SH2B3: variants seen among roughly 807,000 people sequenced by gnomAD.
SH2B3 encodes the protein SH2B adaptor protein 3.
Under a neutral mutation model 51.9 loss-of-function variants are expected in SH2B3, and 43 were observed. That is an observed-to-expected ratio of 0.83 (90% CI 0.65 to 1.07). SH2B3 has a LOEUF of 1.07. Among genes scored for constraint, SH2B3 ranks in the 50% least tolerant of loss-of-function variants. The pLI, the probability that SH2B3 is intolerant of heterozygous loss-of-function variation, is 0.00. For synonymous variants in SH2B3, 396 were observed against 376.0 expected (o/e 1.05, Z -0.62); for missense variants, 952 against 834.3 (o/e 1.14, Z -1.74).
chr12:111,418,226 C>T lies in SH2B3; in HGVS notation c.81C>T (p.Ser27=), dbSNP rs1269390404. Residue 27 remains serine (S), a synonymous_variant, in exon 2 of 8, where the codon AGC becomes AGT. Transcript: ENST00000341259. This position sits in a 1 kb window ranked among gnomAD's most constrained non-coding sequence, Gnocchi z 6.7. The part of the protein sequence containing the change: ...ASPAAAPRGW[S]EFCELHAVAA... ...CGGCGGCGGCCCCGCGGGGCTGGAG[C>T]GAGTTCTGTGAGTTGCACGCCGTAG... 5.7e-6 allele frequency: 9 copies of T among 1,581,172 alleles called. No homozygotes were observed. Among genetic ancestry groups the T allele is most frequent in the African/African-American group, 1.4e-5 (1 of 73,120 alleles).
chr12:111,444,425 T>C (rs986083551), intron 2 of SH2B3, among the ~76,000 whole-genome samples: 2 of 152,178 alleles, frequency 1.3e-5, no homozygotes, highest in Non-Finnish European at 2.9e-5. Flanking sequence ...ATGCTGGGAA[T>C]GGAGAAGACT....
chr12:111,441,995 G>T (rs1245155550), intron 2 of SH2B3, among the ~76,000 whole-genome samples: 1 of 152,018 alleles, frequency 6.6e-6, no homozygotes, highest in Non-Finnish European at 1.5e-5. Context: ...ACAGTGGTGT[G>T]ATCTCAGCTC....
chr12:111,420,924 A>G (rs930247108), intron 2 of SH2B3, among the ~76,000 whole-genome samples: 3 of 152,208 alleles, frequency 2.0e-5, no homozygotes, highest in Admixed American at 6.5e-5. Flanking sequence ...GTGGCGTAAC[A>G]TGCAGACCTG....
chr12:111,441,936 A>AT (rs111758346), intron 2 of SH2B3, among the ~76,000 whole-genome samples: 392 of 146,390 alleles, frequency 2.7e-3, no homozygotes, highest in Middle Eastern at 7.1e-3. Flanking sequence ...AAGGCAAGGA[A>AT]TTTTTTTTTT....
chr12:111,443,287 G>A (rs1164243765), intron 2 of SH2B3, among the ~76,000 whole-genome samples: 1 of 152,224 alleles, frequency 6.6e-6, no homozygotes, highest in African/African-American at 2.4e-5. Flanking sequence ...ACGGGACTGT[G>A]GCTCAGAGAC....
At position 111,418,516 on chromosome 12, in the gene SH2B3, T is replaced by C. The variant is rs1352963534; in HGVS notation, c.371T>C (p.Leu124Pro). Reference protein sequence around the residue: ...GLPKARSSEELAPPRPPGPCS... With the variant: ...GLPKARSSEEPAPPRPPGPCS... ...CCCAAGGCCCGCAGCTCTGAGGAGC[T>C]GGCCCCGCCGCGGCCGCCCGGGCCC... is the stretch of plus-strand genomic sequence containing the variant. The change falls in exon 2 of 8, where the codon CTG becomes CCG. Residue 124 changes from leucine to proline, a missense_variant. By Grantham distance (98) the Leu-to-Pro change is moderately conservative. Coordinates refer to ENST00000341259, the MANE Select transcript of SH2B3 (RefSeq NM_005475.3). This position sits in a 1 kb window ranked among gnomAD's most constrained non-coding sequence, Gnocchi z 6.7. 2.2e-6 allele frequency: 3 copies of C among 1,386,284 alleles called. No individual in the cohort carries two copies. Among genetic ancestry groups the C allele is most frequent in the African/African-American group, 1.5e-5 (1 of 64,782 alleles). The allele number at this position is 1,386,284 out of a possible 1,614,324, so 85.9% of individuals were successfully genotyped here. A position where few individuals can be genotyped will look rare whatever the true frequency, so the allele number is the denominator to read the frequency against.
At chr12:111,413,254 T>G (rs1162983898) in intron 1 of SH2B3, among the ~76,000 whole-genome samples, 1 of 152,156 alleles carries the variant, frequency 6.6e-6, no homozygotes, top group Non-Finnish European at 1.5e-5. Context: ...CCTGATATGA[T>G]CTTGGCATGG....
Position 111,448,238 on chromosome 12 carries a change from A to ACGAAATGGACTCATCCTC in SH2B3, c.1666_1683dup (p.Glu556_Ser561dup), listed in dbSNP as rs1288016948. 9 of 1,614,048 alleles carry ACGAAATGGACTCATCCTC rather than the reference A, an allele frequency of 5.6e-6. No homozygotes were observed. Among genetic ancestry groups the ACGAAATGGACTCATCCTC allele is most frequent in the Non-Finnish European group, 6.8e-6 (8 of 1,180,026 alleles). Reference sequence around the variant, plus strand: ...GTGAATCGAGCCCGGGACTCGGACTACGAAATGGACTCATCCTCCCGGAGC... The same window carrying ACGAAATGGACTCATCCTC: ...GTGAATCGAGCCCGGGACTCGGACTACGAAATGGACTCATCCTCCGAAATGGACTCATCCTCCCGGAGC... On this transcript the variant is annotated inframe_insertion, in exon 8 of 8. Transcript: ENST00000341259.
intron 2 of SH2B3, among the ~76,000 whole-genome samples, chr12:111,442,839 C>T (rs1873563441): frequency 6.6e-6 from 1 of 152,254 alleles, no homozygotes; most frequent in South Asian, 2.1e-4. Context: ...GGTGTGGTCA[C>T]GCCACCAGAG....
At position 111,448,565 on chromosome 12, in the gene SH2B3, C is replaced by T. The variant is rs1874294929; in HGVS notation, c.*263C>T. On this transcript the variant is annotated 3_prime_UTR_variant, in exon 8 of 8. Coordinates refer to ENST00000341259, the MANE Select transcript of SH2B3 (RefSeq NM_005475.3). ...ATGCCGCTAGCTCCTGCCCGGGGTC[C>T]CTATGCCCAGTCCCCGTTACTCTTA... 2.1e-6 allele frequency: 1 copy of T among 467,384 alleles called. No homozygotes were observed. Among genetic ancestry groups the T allele is most frequent in the South Asian group, 2.9e-5 (1 of 34,470 alleles). 29.0% of individuals were successfully genotyped at this position (467,384 alleles called of 1,614,324 possible).
chr12:111,433,670 C>T (rs1872651469), intron 2 of SH2B3, among the ~76,000 whole-genome samples: 1 of 152,214 alleles, frequency 6.6e-6, no homozygotes, highest in Non-Finnish European at 1.5e-5. Flanking sequence ...TCAAGTGATC[C>T]TCCCACCTCA....
intron 2 of SH2B3, among the ~76,000 whole-genome samples, chr12:111,442,669 C>G (rs1227948509): frequency 1.3e-5 from 2 of 152,204 alleles, no homozygotes; most frequent in Non-Finnish European, 2.9e-5. Context: ...AGCAGGCCTG[C>G]TCCTGTTAAG....
intron 2 of SH2B3, among the ~76,000 whole-genome samples, chr12:111,440,839 C>T (rs1470153680): frequency 6.6e-6 from 1 of 152,206 alleles, no homozygotes; most frequent in Non-Finnish European, 1.5e-5. Context: ...CAGGGAGGGG[C>T]CTTCTTGCTC....
At position 111,407,400 on chromosome 12, in the gene SH2B3, C is replaced by T. The variant is rs897808318; in HGVS notation, c.-28+1123C>T. Among the ~76,000 whole-genome samples the T allele has an allele frequency of 2.6e-5, 4 of 152,358 alleles. No individual in the cohort carries two copies. Among genetic ancestry groups the T allele is most frequent in the African/African-American group, 4.8e-5 (2 of 41,592 alleles). On this transcript the variant is annotated intron_variant, in intron 1 of 7. Transcript: ENST00000341259. The surrounding 1 kb of genome is among the most constrained non-coding windows in gnomAD (Gnocchi z 4.3). The stretch of plus-strand genomic sequence containing the variant: ...CGGGGAGATGACAGTTCCCTAACAC[C>T]GGCTAGCAGCCAGGCCTCAGGGCCC...
intron 2 of SH2B3, among the ~76,000 whole-genome samples, chr12:111,425,903 G>C (rs1409594225): frequency 6.6e-6 from 1 of 152,140 alleles, no homozygotes; most frequent in Non-Finnish European, 1.5e-5. Context: ...TCGGGCTCAC[G>C]ACCGACACTC....
chr12:111,420,716 G>A (rs773786007), intron 2 of SH2B3, among the ~76,000 whole-genome samples: 8 of 152,204 alleles, frequency 5.3e-5, no homozygotes, highest in Non-Finnish European at 4.4e-5. Context: ...GGGACCAGGC[G>A]GGCCTAGTGG....
chr12:111,416,281 G>A (rs769978423), intron 1 of SH2B3, among the ~76,000 whole-genome samples: 17 of 151,886 alleles, frequency 1.1e-4, no homozygotes, highest in Non-Finnish European at 2.4e-4. Flanking sequence ...TACTCTCACC[G>A]CAACATGGAA....
Position 111,446,855 on chromosome 12 carries a change from G to C in SH2B3, c.834+1G>C. On this transcript the variant is annotated splice_donor_variant, in intron 3 of 7. Transcript: ENST00000341259. LOFTEE classifies it high-confidence loss of function. Reference sequence around the variant, plus strand: ...CAACCTTTACACCTTTGTGCTGAAGGTGAGTGACAAGGCTTTTCACACCCT... The same window carrying C: ...CAACCTTTACACCTTTGTGCTGAAGCTGAGTGACAAGGCTTTTCACACCCT... The C allele has an allele frequency of 6.2e-7, 1 of 1,606,118 alleles. No homozygotes were observed. The highest frequency in any genetic ancestry group is 8.5e-7 in the Non-Finnish European group (1 of 1,174,004).
At position 111,443,350 on chromosome 12, in the gene SH2B3, T is replaced by G. The variant is rs539724338; in HGVS notation, c.733-3403T>G. 9 of 152,370 alleles carry G rather than the reference T, an allele frequency of 5.9e-5. No homozygotes were observed. In the East Asian group the frequency reaches 1.4e-3, roughly 23 times the overall value. 9.4% of individuals were successfully genotyped at this position (152,370 alleles called of 1,614,324 possible). A position where few individuals can be genotyped will look rare whatever the true frequency, so the allele number is the denominator to read the frequency against. On this transcript the variant is annotated intron_variant, in intron 2 of 7. Transcript: ENST00000341259. ...GGGCCATTTGAAGGGAGCCTGGAAC[T>G]GCATTTCCATGTGGACCCTGGGTGG...
Sources: allele counts gnomAD v4.1 joint callset (sites outside exome capture counted in the v4.1 genomes callset), GRCh38; gene constraint gnomAD v4.1.1; non-coding constraint Gnocchi (gnomAD v3.1); transcripts MANE v1.5; gene names NCBI Gene and HGNC (gene_info 2026-07-23, HGNC 2026-07-21).